Variants in C1orf21 observed in about 807,000 individuals in gnomAD.
C1orf21 encodes chromosome 1 open reading frame 21.
C1orf21 carries 3 observed loss-of-function variants against 18.7 expected under a neutral mutation model. That is an observed-to-expected ratio of 0.16 (90% CI 0.07 to 0.42). C1orf21 has a LOEUF of 0.42. Ranked by LOEUF, C1orf21 falls within the 10% of genes least tolerant of loss-of-function variation. The pLI, the probability that C1orf21 is intolerant of heterozygous loss-of-function variation, is 0.99. For synonymous variants in C1orf21, 41 were observed against 46.4 expected (o/e 0.88, Z 0.47); for missense variants, 104 against 143.6 (o/e 0.72, Z 1.41).
At chr1:184,568,884 C>G (rs1312097287) in intron 3 of C1orf21, among the ~76,000 whole-genome samples, 1 of 152,232 alleles carries the variant, frequency 6.6e-6, no homozygotes, top group Non-Finnish European at 1.5e-5. Context: ...GTGTAGCACA[C>G]AAGTAAAGGA....
chr1:184,446,856 T>G (rs1389829696), intron 1 of C1orf21, among the ~76,000 whole-genome samples: 1 of 150,704 alleles, frequency 6.6e-6, no homozygotes, highest in Non-Finnish European at 1.5e-5. Flanking sequence ...TCGTGGTTTT[T>G]TTTTTTTTTT....
chr1:184,515,016 A>G (rs1658203037), intron 3 of C1orf21, among the ~76,000 whole-genome samples: 1 of 152,232 alleles, frequency 6.6e-6, no homozygotes, highest in African/African-American at 2.4e-5. Context: ...CTAAGAATGT[A>G]AAGACTCAGT....
chr1:184,462,197 T>C (rs543903436), intron 1 of C1orf21, among the ~76,000 whole-genome samples: 1 of 152,364 alleles, frequency 6.6e-6, no homozygotes, highest in South Asian at 2.1e-4. Context: ...ATTTGTTCCT[T>C]GCCATTAAAA....
intron 2 of C1orf21, among the ~76,000 whole-genome samples, chr1:184,493,990 A>G (rs1657853611): frequency 6.6e-6 from 1 of 152,240 alleles, no homozygotes; most frequent in African/African-American, 2.4e-5. Flanking sequence ...AACATGTAAT[A>G]TGATAATGAT....
chr1:184,566,782 T>C, intron 3 of C1orf21: 1 of 436,490 alleles, frequency 2.3e-6, no homozygotes, highest in Non-Finnish European at 4.6e-6. Flanking sequence ...GTGATGCTGC[T>C]CTGGAGGCTG....
intron 5 of C1orf21, among the ~76,000 whole-genome samples, chr1:184,608,218 C>A (rs1267342721): frequency 6.6e-6 from 1 of 152,192 alleles, no homozygotes; most frequent in Non-Finnish European, 1.5e-5. Context: ...AGTGTCTTTA[C>A]ATTCTTCATA....
chr1:184,577,947 GTTTTTGTTTTTTTTTTT>G (rs1659217294), intron 3 of C1orf21, among the ~76,000 whole-genome samples: 40 of 86,752 alleles, frequency 4.6e-4, no homozygotes, highest in Non-Finnish European at 1.3e-4. Flanking sequence ...TTTTTGTTTT[GTTTTTGTTTTTTTTTTT>G]TTTTTTTGAG....
Position 184,577,959 on chromosome 1 carries a change from T to G in C1orf21, c.190-12780T>G, listed in dbSNP as rs540272190. Among the ~76,000 whole-genome samples, 239 of 145,658 alleles carry G rather than the reference T, an allele frequency of 1.6e-3. 2 individuals are homozygous for G. Among genetic ancestry groups the G allele is most frequent in the East Asian group, 3.7e-3 (19 of 5,096 alleles). ...TGTTTTTTGTTTTGTTTTTGTTTTT[T>G]TTTTTTTTTTTTGAGACAGAGTCTC... On this transcript the variant is annotated intron_variant, in intron 3 of 5. Coordinates refer to ENST00000235307, the MANE Select transcript of C1orf21 (RefSeq NM_030806.4).
intron 5 of C1orf21, among the ~76,000 whole-genome samples, chr1:184,611,482 A>G (rs557200522): frequency 1.3e-5 from 2 of 152,208 alleles, no homozygotes; most frequent in East Asian, 3.9e-4. Flanking sequence ...CTTCCTGTGT[A>G]TTCTGGATTC....
At chr1:184,584,100 C>T (rs1659319944) in intron 3 of C1orf21, among the ~76,000 whole-genome samples, 1 of 151,134 alleles carries the variant, frequency 6.6e-6, no homozygotes, top group Admixed American at 6.6e-5. Flanking sequence ...CCCCCTCCTT[C>T]CAGCCCTGTT....
chr1:184,445,085 G>A lies in C1orf21; in HGVS notation c.-124-32301G>A, dbSNP rs1388268737. On this transcript the variant is annotated intron_variant, in intron 1 of 5. Transcript: ENST00000235307. ...GACAGACCTCTCAGTAGAGACAACG[G>A]TTGAGTTGGGCCTTGTGGATGAGTA... Among the ~76,000 whole-genome samples, 3 of 152,138 alleles carry A rather than the reference G, an allele frequency of 2.0e-5. No individual in the cohort carries two copies. The East Asian group carries it at 5.8e-4, about 29-fold the overall frequency.
At chr1:184,449,198 C>T (rs1475461757) in intron 1 of C1orf21, among the ~76,000 whole-genome samples, 2 of 151,400 alleles carry the variant, frequency 1.3e-5, no homozygotes, top group Admixed American at 1.3e-4. Context: ...ATCCCTCCCC[C>T]TTCCCCCCAC....
At chr1:184,610,419 GGC>G (rs1198077190) in intron 5 of C1orf21, among the ~76,000 whole-genome samples, 1 of 152,164 alleles carries the variant, frequency 6.6e-6, no homozygotes, top group Non-Finnish European at 1.5e-5. Flanking sequence ...AGTTCAGTAT[GGC>G]CAAGAGAACG....
At chr1:184,511,481 T>G (rs879387165) in intron 3 of C1orf21, among the ~76,000 whole-genome samples, 2 of 152,082 alleles carry the variant, frequency 1.3e-5, no homozygotes, top group African/African-American at 4.8e-5. Flanking sequence ...AAAACTCTGG[T>G]GAAGAGATGG....
At chr1:184,407,514 C>A (rs1656266303) in intron 1 of C1orf21, among the ~76,000 whole-genome samples, 1 of 152,178 alleles carries the variant, frequency 6.6e-6, no homozygotes, top group Admixed American at 6.5e-5. Context: ...CGGGTCACAT[C>A]CTGAGTTGTG....
At chr1:184,605,055 T>C (rs1571298608) in intron 5 of C1orf21, among the ~76,000 whole-genome samples, 3 of 152,192 alleles carry the variant, frequency 2.0e-5, no homozygotes, top group Admixed American at 1.3e-4. Context: ...AATGGTATCA[T>C]TTTGCCATGG....
chr1:184,603,025 ACT>A (rs1157990817), intron 5 of C1orf21, among the ~76,000 whole-genome samples: 1 of 152,040 alleles, frequency 6.6e-6, no homozygotes, highest in Non-Finnish European at 1.5e-5. Flanking sequence ...AGTTACAAAG[ACT>A]CTCCCTATGA....
Position 184,584,131 on chromosome 1 carries a change from TTC to T in C1orf21, c.190-6606_190-6605del, listed in dbSNP as rs1348613171. Among the ~76,000 whole-genome samples, 427 of 67,382 alleles carry T rather than the reference TTC, an allele frequency of 6.3e-3. 2 individuals are homozygous for T. The highest frequency in any genetic ancestry group is 0.026 in the African/African-American group (400 of 15,532). 44.2% of individuals were successfully genotyped at this position (67,382 alleles called of 152,430 possible). ...CTGTTGGTTTGTTTGCTTGTTCTTC[TTC>T]TTTTTTTTTTTTTTTTTTTTTTAAG... On this transcript the variant is annotated intron_variant, in intron 3 of 5. Transcript: ENST00000235307.
intron 1 of C1orf21, among the ~76,000 whole-genome samples, chr1:184,471,202 C>G (rs1449094164): frequency 1.3e-5 from 2 of 152,086 alleles, no homozygotes; most frequent in African/African-American, 4.8e-5. Context: ...ATAAGAAATA[C>G]TGTTAAAATT....
Sources: gnomAD v4.1 joint callset for allele counts (sites outside exome capture counted in the v4.1 genomes callset) on GRCh38, gnomAD v4.1.1 for gene constraint, MANE v1.5 for transcripts, NCBI Gene and HGNC (gene_info 2026-07-23, HGNC 2026-07-21) for gene names.